The following PTPRS variants were observed in gnomAD, a reference collection of about 807,000 sequenced individuals.
PTPRS encodes receptor-type tyrosine-protein phosphatase S.
In PTPRS, 63 loss-of-function variants were observed where a neutral mutation model predicts 215.3. The ratio of observed to expected loss-of-function variants is 0.29; its 90% CI spans 0.24 to 0.36. The LOEUF is 0.36. Among genes scored for constraint, PTPRS ranks in the 10% least tolerant of loss-of-function variants. PTPRS has a pLI of 1.00. For missense variants in PTPRS, 2,258 were observed against 2,825.8 expected (o/e 0.80, Z 4.56); for synonymous variants, 1,404 against 1,191.4 (o/e 1.18, Z -3.68).
chr19:5,227,972 TGTG>T (rs1252636083), intron 16 of PTPRS, among the ~76,000 whole-genome samples: 1 of 151,968 alleles, frequency 6.6e-6, no homozygotes, highest in African/African-American at 2.4e-5. Flanking sequence ...GCCTGGGAAC[TGTG>T]GGGTAGACCC....
At chr19:5,207,885 G>T (rs373622724) in intron 37 of PTPRS, 37 bp downstream of exon 37, 1 of 1,606,664 alleles carries the variant, frequency 6.2e-7, no homozygotes, top group Non-Finnish European at 8.5e-7. Flanking sequence ...GTCGGGGCGT[G>T]AGGCCAGGCT....
At chr19:5,250,102 C>T (rs1325796162) in intron 9 of PTPRS, among the ~76,000 whole-genome samples, 2 of 152,196 alleles carry the variant, frequency 1.3e-5, no homozygotes, top group African/African-American at 4.8e-5. Flanking sequence ...CCCAACATGG[C>T]CGGCAACCAT....
chr19:5,305,646 T>A (rs2049457518), intron 1 of PTPRS, among the ~76,000 whole-genome samples: 1 of 151,352 alleles, frequency 6.6e-6, no homozygotes, highest in African/African-American at 2.4e-5. Flanking sequence ...GTAGGACAGC[T>A]TGAGCCCAGG....
rs539606763 is a variant in PTPRS at position 5,205,597 on chromosome 19, G to A, written c.*1177C>T. 1.3e-5 allele frequency among the ~76,000 whole-genome samples: 2 copies of A among 152,350 alleles called. No individual in the cohort carries two copies. The highest frequency in any genetic ancestry group is 2.9e-5 in the Non-Finnish European group (2 of 68,040). Reference sequence around the variant, plus strand: ...GGCTGCTTCCGCTGGAATAAACAGTGTTGAAAGTAACCGCAGACCTGCCCT... The same window carrying A: ...GGCTGCTTCCGCTGGAATAAACAGTATTGAAAGTAACCGCAGACCTGCCCT... On this transcript the variant is annotated 3_prime_UTR_variant, in exon 38 of 38. Transcript: ENST00000262963.
In PTPRS at chr19:5,257,634, A is replaced by T. The variant is rs2045667267; in HGVS notation, c.706+383T>A. ...CACGGGAAGGCACGACACACCACAG[A>T]AGCCAACTCGGGTGGGCAGGCAGGT... On this transcript the variant is annotated intron_variant, in intron 8 of 37. Transcript: ENST00000262963. The surrounding 1 kb of genome is among the most constrained non-coding windows in gnomAD (Gnocchi z 4.4). Among the ~76,000 whole-genome samples the T allele has an allele frequency of 6.6e-6, 1 of 152,096 alleles. No homozygotes were observed. The highest frequency in any genetic ancestry group is 1.5e-5 in the Non-Finnish European group (1 of 68,004).
chr19:5,263,466 G>A (rs1192602468), intron 5 of PTPRS, among the ~76,000 whole-genome samples: 10 of 152,084 alleles, frequency 6.6e-5, no homozygotes, highest in Admixed American at 5.9e-4. Context: ...AGGGGCGCTG[G>A]GGATGATTCG....
At chr19:5,207,355 G>A (rs2040455910) in intron 37 of PTPRS, among the ~76,000 whole-genome samples, 2 of 152,234 alleles carry the variant, frequency 1.3e-5, no homozygotes, top group Non-Finnish European at 2.9e-5. Context: ...AAAGTGCTGG[G>A]ATTACAGGCA....
chr19:5,331,112 T>A (rs1336573581), intron 1 of PTPRS, among the ~76,000 whole-genome samples: 1 of 126,200 alleles, frequency 7.9e-6, no homozygotes. Flanking sequence ...TCAGCATAAG[T>A]CAGGGCTTCT....
chr19:5,213,232 G>T (rs899196298), intron 30 of PTPRS, among the ~76,000 whole-genome samples: 3 of 152,142 alleles, frequency 2.0e-5, no homozygotes, highest in African/African-American at 4.8e-5. Flanking sequence ...CCCCCAGTCT[G>T]TCCTCCCTGC....
chr19:5,278,288 A>C (rs2146703470), intron 2 of PTPRS, among the ~76,000 whole-genome samples: 1 of 151,652 alleles, frequency 6.6e-6, no homozygotes, highest in South Asian at 2.1e-4. Context: ...GCACGAACAT[A>C]CCTCACTGCA....
Position 5,237,657 on chromosome 19 carries a change from C to T in PTPRS, c.1849+1262G>A, listed in dbSNP as rs1238606632. On this transcript the variant is annotated intron_variant, in intron 13 of 37. Coordinates refer to ENST00000262963, the MANE Select transcript of PTPRS (RefSeq NM_002850.4). The surrounding 1 kb of genome is among the most constrained non-coding windows in gnomAD (Gnocchi z 4.2). The stretch of plus-strand genomic sequence containing the variant: ...AGGCGGGGGGGCACGCGGGGTGGGC[C>T]GTTTTTGTGAACCTGCTTGAGACCA... 6.6e-6 allele frequency among the ~76,000 whole-genome samples: 1 copy of T among 152,128 alleles called. No individual in the cohort carries two copies. The highest frequency in any genetic ancestry group is 1.5e-5 in the Non-Finnish European group (1 of 68,024).
chr19:5,317,561 C>G (rs7254792), intron 1 of PTPRS, among the ~76,000 whole-genome samples: 98,986 of 152,150 alleles, frequency 0.65, 33,391 homozygotes, highest in African/African-American at 0.82. Flanking sequence ...AAAGAGGTGA[C>G]GGCAGGATTT....
intron 33 of PTPRS, 53 bp downstream of exon 33, chr19:5,211,537 A>G (rs2040888048): frequency 4.5e-6 from 7 of 1,556,116 alleles, no homozygotes; most frequent in Non-Finnish European, 5.3e-6. Flanking sequence ...GCCTCTTGAG[A>G]GTAGAGATGG....
intron 5 of PTPRS, among the ~76,000 whole-genome samples, chr19:5,263,212 T>C (rs2046143668): frequency 6.6e-6 from 1 of 152,134 alleles, no homozygotes; most frequent in African/African-American, 2.4e-5. Flanking sequence ...GCATGTTTTA[T>C]GGGGAAACTG....
chr19:5,261,568 C>CGATAACTT (rs2045995013), intron 6 of PTPRS, among the ~76,000 whole-genome samples: 1 of 152,160 alleles, frequency 6.6e-6, no homozygotes, highest in Admixed American at 6.5e-5. Context: ...TGCTGATGGC[C>CGATAACTT]GATAACTTGA....
intron 1 of PTPRS, among the ~76,000 whole-genome samples, chr19:5,297,355 C>G (rs974504098): frequency 6.6e-6 from 1 of 152,136 alleles, no homozygotes; most frequent in African/African-American, 2.4e-5. Flanking sequence ...ACAATCCATC[C>G]CTCGCCTAGA....
At chr19:5,256,248 T>C in intron 8 of PTPRS, 129 bp from the exon 9 acceptor site, 1 of 727,276 alleles carries the variant, frequency 1.4e-6, no homozygotes, top group South Asian at 3.9e-5. Flanking sequence ...TTGTTTTTTT[T>C]TTCTTTAAAC....
chr19:5,242,694 T>C (rs1276920900), intron 11 of PTPRS, among the ~76,000 whole-genome samples: 3 of 151,634 alleles, frequency 2.0e-5, no homozygotes, highest in Admixed American at 1.3e-4. Context: ...CGATTTTATT[T>C]TAATGTTTGT....
chr19:5,265,245 A>G lies in PTPRS; in HGVS notation c.380-49T>C, dbSNP rs768517152. ...ATGGGCATGGTTCTGAGCACTGCAC[A>G]GCCACTCCTGAGCCTGGGGCTCAGG... On this transcript the variant is annotated intron_variant, in intron 4 of 37. Coordinates refer to ENST00000262963, the MANE Select transcript of PTPRS (RefSeq NM_002850.4). 2.0e-5 allele frequency: 31 copies of G among 1,544,374 alleles called. No individual in the cohort carries two copies. The East Asian group carries it at 6.4e-4, about 32-fold the overall frequency.
Sources: gnomAD v4.1 joint callset for allele counts (sites outside exome capture counted in the v4.1 genomes callset) on GRCh38, gnomAD v4.1.1 for gene constraint, Gnocchi (gnomAD v3.1) non-coding constraint, MANE v1.5 for transcripts, NCBI Gene and HGNC (gene_info 2026-07-23, HGNC 2026-07-21) for gene names.